The following UBE2E2 variants were observed in gnomAD, a reference collection of about 807,000 sequenced individuals.
The protein encoded by UBE2E2 is ubiquitin-conjugating enzyme E2 E2.
In UBE2E2, 6 loss-of-function variants were observed where a neutral mutation model predicts 24.7. The observed-to-expected ratio is 0.24, with a 90% CI of 0.13 to 0.48. The LOEUF is 0.48. Ranked by LOEUF, UBE2E2 falls within the 20% of genes least tolerant of loss-of-function variation. The pLI is 0.99. For missense variants in UBE2E2, 169 were observed against 245.0 expected, an observed-to-expected ratio of 0.69 and a Z score of 2.07; for synonymous variants, 104 against 83.6, an observed-to-expected ratio of 1.24 and a Z score of -1.33.
intron 2 of UBE2E2, among the ~76,000 whole-genome samples, chr3:23,212,120 A>G (rs1222844271): frequency 6.6e-6 from 1 of 152,236 alleles, no homozygotes; most frequent in Non-Finnish European, 1.5e-5. Flanking sequence ...AAGCTGGTAT[A>G]GAACTATGAT....
intron 3 of UBE2E2, among the ~76,000 whole-genome samples, chr3:23,333,399 A>T (rs1472062219): frequency 6.6e-6 from 1 of 152,134 alleles, no homozygotes; most frequent in Non-Finnish European, 1.5e-5. Context: ...AGAGAAACAG[A>T]GTTATTAGGA....
chr3:23,527,503 G>T (rs543473625), intron 4 of UBE2E2, among the ~76,000 whole-genome samples: 1 of 152,180 alleles, frequency 6.6e-6, no homozygotes, highest in Non-Finnish European at 1.5e-5. Flanking sequence ...GAAATGTTAA[G>T]TGTCTTCTGA....
intron 3 of UBE2E2, among the ~76,000 whole-genome samples, chr3:23,284,411 T>G (rs1355802652): frequency 6.6e-6 from 1 of 152,176 alleles, no homozygotes; most frequent in African/African-American, 2.4e-5. Context: ...GGTGATCTTA[T>G]TCTTTCCCAT....
At chr3:23,282,970 TA>T (rs752698165) in intron 3 of UBE2E2, among the ~76,000 whole-genome samples, 5 of 152,122 alleles carry the variant, frequency 3.3e-5, no homozygotes, top group East Asian at 3.9e-4. Context: ...TAAAATTCAT[TA>T]AAAAAATCAG....
chr3:23,493,750 A>C (rs1237380595), intron 3 of UBE2E2, among the ~76,000 whole-genome samples: 1 of 152,200 alleles, frequency 6.6e-6, no homozygotes, highest in Non-Finnish European at 1.5e-5. Context: ...TCATAAGATT[A>C]GGTTACAGAA....
intron 3 of UBE2E2, among the ~76,000 whole-genome samples, chr3:23,306,095 T>A (rs1187694600): frequency 1.3e-5 from 2 of 152,200 alleles, no homozygotes; most frequent in Non-Finnish European, 2.9e-5. Context: ...GAAAAAGTGT[T>A]TAAGAAAACA....
intron 3 of UBE2E2, among the ~76,000 whole-genome samples, chr3:23,444,067 T>TTTG (rs1413848525): frequency 8.6e-5 from 12 of 139,138 alleles, no homozygotes; most frequent in African/African-American, 3.7e-4. Context: ...CCAGTTTTGT[T>TTTG]TTTTTTTTTT....
intron 3 of UBE2E2, among the ~76,000 whole-genome samples, chr3:23,379,335 C>T (rs1412364083): frequency 6.6e-6 from 1 of 151,030 alleles, no homozygotes; most frequent in African/African-American, 2.4e-5. Context: ...TGCTGGTGCG[C>T]TGCACCCACT....
chr3:23,341,969 A>G (rs1370590890), intron 3 of UBE2E2, among the ~76,000 whole-genome samples: 2 of 152,196 alleles, frequency 1.3e-5, no homozygotes, highest in African/African-American at 4.8e-5. Flanking sequence ...AAAACTAATA[A>G]TTGATAGTAG....
chr3:23,454,649 T>G (rs1698635550), intron 3 of UBE2E2, among the ~76,000 whole-genome samples: 1 of 152,204 alleles, frequency 6.6e-6, no homozygotes, highest in South Asian at 2.1e-4. Context: ...CATCCGTGTG[T>G]GATGTCTGGG....
intron 5 of UBE2E2, among the ~76,000 whole-genome samples, chr3:23,587,558 C>G (rs1197988595): frequency 6.6e-6 from 1 of 152,164 alleles, no homozygotes; most frequent in Admixed American, 6.5e-5. Context: ...TAAGGATGCC[C>G]ACGTTTCACC....
At chr3:23,507,131 C>A (rs1278872931) in intron 4 of UBE2E2, among the ~76,000 whole-genome samples, 2 of 152,172 alleles carry the variant, frequency 1.3e-5, no homozygotes, top group African/African-American at 4.8e-5. Flanking sequence ...TTTGTTCTTC[C>A]TTCTGCCTGC....
At chr3:23,217,384 C>A (rs1696506163) in intron 3 of UBE2E2, 72 bp downstream of exon 3, 1 of 1,361,598 alleles carries the variant, frequency 7.3e-7, no homozygotes, top group Non-Finnish European at 1.0e-6. Flanking sequence ...GTTTTATATG[C>A]AGCTGTTGTT....
In UBE2E2 at chr3:23,499,526, A is replaced by G. The variant is rs1244493255; in HGVS notation, c.228-82A>G. The G allele has an allele frequency of 5.3e-6, 8 of 1,514,502 alleles. No homozygotes were observed. In the South Asian group the frequency reaches 8.0e-5, roughly 15 times the overall value. 93.8% of individuals were successfully genotyped at this position (1,514,502 alleles called of 1,614,324 possible). A position where few individuals can be genotyped will look rare whatever the true frequency, so the allele number is the denominator to read the frequency against. On this transcript the variant is annotated intron_variant, in intron 3 of 5. Transcript: ENST00000396703. ...TTTTGTGTTTTTATGGAATTGCTCA[A>G]TTGGTTATCATAAATAGATTTTGTT...
At chr3:23,567,941 G>C (rs1007829350) in intron 5 of UBE2E2, among the ~76,000 whole-genome samples, 2 of 152,136 alleles carry the variant, frequency 1.3e-5, no homozygotes, top group African/African-American at 4.8e-5. Flanking sequence ...GGTAATGGTT[G>C]GTCCCACCTT....
At chr3:23,492,791 C>T (rs1328274508) in intron 3 of UBE2E2, among the ~76,000 whole-genome samples, 3 of 152,026 alleles carry the variant, frequency 2.0e-5, no homozygotes, top group African/African-American at 7.2e-5. Flanking sequence ...TCCCAATAAC[C>T]TCCCAACTTC....
At chr3:23,492,004 G>A (rs1408046613) in intron 3 of UBE2E2, among the ~76,000 whole-genome samples, 2 of 152,180 alleles carry the variant, frequency 1.3e-5, no homozygotes, top group African/African-American at 4.8e-5. Flanking sequence ...GATTAGAGAT[G>A]CTAACAGTTT....
At chr3:23,555,119 G>C (rs1380254137) in intron 5 of UBE2E2, among the ~76,000 whole-genome samples, 1 of 152,032 alleles carries the variant, frequency 6.6e-6, no homozygotes, top group Non-Finnish European at 1.5e-5. Flanking sequence ...ATTTCACCAT[G>C]TTGGCCAGTC....
chr3:23,315,368 C>T (rs750038462), intron 3 of UBE2E2, among the ~76,000 whole-genome samples: 2 of 150,254 alleles, frequency 1.3e-5, no homozygotes, highest in African/African-American at 2.5e-5. Flanking sequence ...TCTTCAAGCT[C>T]ACCAAATCTT....
Sources: gnomAD v4.1 joint callset for allele counts (sites outside exome capture counted in the v4.1 genomes callset) on GRCh38, gnomAD v4.1.1 for gene constraint, MANE v1.5 for transcripts, NCBI Gene and HGNC (gene_info 2026-07-23, HGNC 2026-07-21) for gene names.